DSCAML1: variants seen among roughly 807,000 people sequenced by gnomAD.
The protein encoded by DSCAML1 is DS cell adhesion molecule like 1.
In DSCAML1, 38 loss-of-function variants were observed where a neutral mutation model predicts 200.5. The ratio of observed to expected loss-of-function variants is 0.19; its 90% CI spans 0.15 to 0.25. The LOEUF (loss-of-function observed/expected upper bound fraction) is 0.25, where lower values mean the gene tolerates loss of function less well. Among genes scored for constraint, DSCAML1 ranks in the 10% least tolerant of loss-of-function variants. The probability of loss-of-function intolerance (pLI) is 1.00; values close to 1 mark genes in which losing one functional copy is unlikely to be tolerated. For synonymous variants in DSCAML1, 1,215 were observed against 1,165.0 expected (o/e 1.04, Z -0.87); for missense variants, 2,223 against 2,858.8 (o/e 0.78, Z 5.07).
chr11:117,549,470 C>T (rs1024413194), intron 3 of DSCAML1, among the ~76,000 whole-genome samples: 10 of 152,196 alleles, frequency 6.6e-5, no homozygotes, highest in African/African-American at 2.2e-4. Flanking sequence ...GATAGACTTC[C>T]GTTCTATCAG....
intron 3 of DSCAML1, among the ~76,000 whole-genome samples, chr11:117,663,454 C>T (rs1166993982): frequency 1.3e-5 from 2 of 152,054 alleles, no homozygotes; most frequent in Non-Finnish European, 2.9e-5. Context: ...AGCTCTTCCA[C>T]GTGCTGGACT....
chr11:117,713,629 T>C (rs76099780), intron 3 of DSCAML1, among the ~76,000 whole-genome samples: 13,166 of 152,302 alleles, frequency 0.086, 638 homozygotes, highest in East Asian at 0.15. Flanking sequence ...AGAGCTTGAC[T>C]GAGCTTAATA....
At position 117,480,559 on chromosome 11, in the gene DSCAML1, G is replaced by C. The variant is rs1351445396; in HGVS notation, c.2669C>G (p.Pro890Arg). The C allele has an allele frequency of 1.9e-6, 3 of 1,564,032 alleles. No homozygotes were observed. Among genetic ancestry groups the C allele is most frequent in the Non-Finnish European group, 2.6e-6 (3 of 1,153,644 alleles). The part of the protein sequence containing the change: ...IQLTVQEPPD[P>R]PELEIREVKA... ...CACCTCCCGGATCTCCAGCTCTGGG[G>C]GGTCGGGGGGCTCTAGGGTGCGGCA... The change falls in exon 14 of 33, where the codon CCC becomes CGC. Residue 890 changes from proline to arginine, a missense_variant. Physicochemically the swap from Pro to Arg is moderately radical, Grantham distance 103 (BLOSUM62 -2). Coordinates refer to ENST00000651296, the MANE Select transcript of DSCAML1 (RefSeq NM_020693.4). This position sits in a 1 kb window ranked among gnomAD's most constrained non-coding sequence, Gnocchi z 4.1.
At chr11:117,743,214 G>A (rs1038493349) in intron 3 of DSCAML1, among the ~76,000 whole-genome samples, 1 of 152,204 alleles carries the variant, frequency 6.6e-6, no homozygotes, top group Non-Finnish European at 1.5e-5. Context: ...TAGCACAGAC[G>A]AGGAGCACAA....
chr11:117,542,493 G>A (rs895790419), intron 3 of DSCAML1, among the ~76,000 whole-genome samples: 1 of 152,136 alleles, frequency 6.6e-6, no homozygotes, highest in Non-Finnish European at 1.5e-5. Context: ...TCCACAGCTC[G>A]GGCCCTTGTG....
intron 3 of DSCAML1, among the ~76,000 whole-genome samples, chr11:117,704,778 G>A (rs562963158): frequency 1.1e-4 from 17 of 152,260 alleles, no homozygotes; most frequent in Admixed American, 2.0e-4. Context: ...TGCGAGTCTC[G>A]GTATATTTCC....
chr11:117,461,861 G>A (rs2048489524), intron 17 of DSCAML1, among the ~76,000 whole-genome samples: 1 of 152,168 alleles, frequency 6.6e-6, no homozygotes, highest in South Asian at 2.1e-4. Flanking sequence ...TCCTGGTTGT[G>A]GTTAAATCCT....
chr11:117,725,345 G>A (rs539742645), intron 3 of DSCAML1, among the ~76,000 whole-genome samples: 36 of 152,204 alleles, frequency 2.4e-4, no homozygotes, highest in African/African-American at 7.0e-4. Context: ...TTCACCTGCC[G>A]TCCATCCCTT....
In DSCAML1 at chr11:117,482,034, C is replaced by T. The variant is rs1832284965; in HGVS notation, c.2488G>A (p.Asp830Asn). The T allele has an allele frequency of 6.2e-7, 1 of 1,614,070 alleles. No homozygotes were observed. The highest frequency in any genetic ancestry group is 1.7e-5 in the Admixed American group (1 of 60,010). The stretch of plus-strand genomic sequence containing the variant: ...GCATACCGCATGACGCGGTCAGGGT[C>T]GATGACTGTGTCCCCCTTCTCCCAG... Reference protein sequence around the residue: ...IRWEKGDTVIDPDRVMRYAIA... With the variant: ...IRWEKGDTVINPDRVMRYAIA... The change falls in exon 12 of 33, where the codon GAC becomes AAC. Residue 830 changes from aspartate to asparagine, a missense_variant. By Grantham distance (23) the Asp-to-Asn change is conservative. Around this residue, in one of 7 missense-constraint regions of DSCAML1, gnomAD observed 438 missense variants for 629.7 expected, o/e 0.70. Coordinates refer to ENST00000651296, the MANE Select transcript of DSCAML1 (RefSeq NM_020693.4).
intron 3 of DSCAML1, among the ~76,000 whole-genome samples, chr11:117,549,348 A>G (rs1226776707): frequency 6.6e-6 from 1 of 152,208 alleles, no homozygotes; most frequent in Admixed American, 6.5e-5. Context: ...CAGTTACAAC[A>G]CCTTCGAGAT....
intron 3 of DSCAML1, among the ~76,000 whole-genome samples, chr11:117,572,476 G>A (rs1168317615): frequency 1.3e-5 from 2 of 152,172 alleles, no homozygotes; most frequent in Non-Finnish European, 2.9e-5. Context: ...ACTGGCTTGT[G>A]GCATTAGCCT....
At chr11:117,580,133 G>A (rs1428892347) in intron 3 of DSCAML1, among the ~76,000 whole-genome samples, 2 of 152,294 alleles carry the variant, frequency 1.3e-5, no homozygotes, top group Non-Finnish European at 1.5e-5. Context: ...GTCTTCTCAT[G>A]GAACAAGGAT....
At chr11:117,472,602 T>C (rs1274866137) in intron 14 of DSCAML1, among the ~76,000 whole-genome samples, 1 of 152,196 alleles carries the variant, frequency 6.6e-6, no homozygotes, top group Non-Finnish European at 1.5e-5. Context: ...AACCCTACCC[T>C]CTTTCCTTCA....
chr11:117,553,193 A>G (rs2050499632), intron 3 of DSCAML1, among the ~76,000 whole-genome samples: 1 of 152,232 alleles, frequency 6.6e-6, no homozygotes, highest in Admixed American at 6.5e-5. Context: ...AGAAGAACAG[A>G]TAAGGGAAAA....
chr11:117,456,671 C>CTTTTTT (rs10661996), intron 19 of DSCAML1, among the ~76,000 whole-genome samples: 4 of 142,136 alleles, frequency 2.8e-5, no homozygotes, highest in African/African-American at 2.6e-5. Context: ...GCAGTCATTT[C>CTTTTTT]TTTTTTTTTT....
intron 5 of DSCAML1, among the ~76,000 whole-genome samples, chr11:117,522,224 A>G (rs1436702419): frequency 6.6e-6 from 1 of 152,088 alleles, no homozygotes; most frequent in Non-Finnish European, 1.5e-5. Flanking sequence ...GCCTTCCTGG[A>G]CATCACTCTC....
At position 117,521,391 on chromosome 11, in the gene DSCAML1, T is replaced by C. The variant is rs2049884537; in HGVS notation, c.952A>G (p.Thr318Ala). ...GTCTTCAGCTTCTTTGGTGTCAGGG[T>C]CACATGAAGGGGATCTGGGCCGGGC... ...ILMVIDPLHV[T>A]LTPKKLKTGI... The change falls in exon 6 of 33, where the codon ACC (threonine) becomes GCC (alanine). Residue 318 changes from threonine to alanine, a missense_variant. Around this residue, in one of 7 missense-constraint regions of DSCAML1, gnomAD observed 579 missense variants for 721.5 expected, o/e 0.80. Coordinates refer to ENST00000651296, the MANE Select transcript of DSCAML1 (RefSeq NM_020693.4). The C allele has an allele frequency of 6.2e-7, 1 of 1,612,948 alleles. No homozygotes were observed. Among genetic ancestry groups the C allele is most frequent in the Non-Finnish European group, 8.5e-7 (1 of 1,179,478 alleles).
At chr11:117,637,979 G>A (rs2052326293) in intron 3 of DSCAML1, among the ~76,000 whole-genome samples, 1 of 152,188 alleles carries the variant, frequency 6.6e-6, no homozygotes, top group Admixed American at 6.5e-5. Context: ...CCAGAATGGT[G>A]AGGGGACCCC....
At chr11:117,593,495 G>C (rs1359553359) in intron 3 of DSCAML1, among the ~76,000 whole-genome samples, 2 of 152,180 alleles carry the variant, frequency 1.3e-5, no homozygotes, top group Non-Finnish European at 2.9e-5. Context: ...ATGACAGGCT[G>C]CCTGTCTGCC....
Sources: gnomAD v4.1 joint callset for allele counts (sites outside exome capture counted in the v4.1 genomes callset) on GRCh38, gnomAD v4.1.1 for gene constraint, gnomAD v4.1.1 regional missense constraint, Gnocchi (gnomAD v3.1) non-coding constraint, MANE v1.5 for transcripts, NCBI Gene and HGNC (gene_info 2026-07-23, HGNC 2026-07-21) for gene names.